Variants in BCR observed in about 807,000 individuals in gnomAD.
The protein encoded by BCR is BCR activator of RhoGEF and GTPase.
In BCR, 58 loss-of-function variants were observed where a neutral mutation model predicts 138.6. That is an observed-to-expected ratio of 0.42 (90% CI 0.34 to 0.52). The LOEUF (loss-of-function observed/expected upper bound fraction) is 0.52, where lower values mean the gene tolerates loss of function less well. Among genes scored for constraint, BCR ranks in the 20% least tolerant of loss-of-function variants. The pLI, the probability that BCR is intolerant of heterozygous loss-of-function variation, is 0.06. For missense variants in BCR, 1,599 were observed against 1,727.2 expected (o/e 0.93, Z 1.32); for synonymous variants, 786 against 730.1 (o/e 1.08, Z -1.23).
chr22:23,249,420 A>G (rs2146263350), intron 1 of BCR, among the ~76,000 whole-genome samples: 1 of 149,926 alleles, frequency 6.7e-6, no homozygotes, highest in South Asian at 2.1e-4. Flanking sequence ...CGACAGAGCA[A>G]GACTCTGTCT....
intron 1 of BCR, among the ~76,000 whole-genome samples, chr22:23,205,283 T>A (rs572063477): frequency 1.3e-5 from 2 of 152,330 alleles, no homozygotes; most frequent in South Asian, 4.1e-4. Flanking sequence ...TTGTCACTCC[T>A]GTGGGGGTAC....
intron 11 of BCR, 88 bp downstream of exon 11, chr22:23,287,366 G>A (rs1013778582): frequency 1.2e-5 from 18 of 1,441,362 alleles, no homozygotes; most frequent in Non-Finnish European, 1.5e-5. Context: ...TCACTTGGAT[G>A]CGCCCCACTC....
At position 23,290,375 on chromosome 22, in the gene BCR, T is replaced by C. The variant is rs1328058055; in HGVS notation, c.2744T>C (p.Val915Ala). ...ESPGLYGFLNVIVHSATGFKQ... is the reference protein window; with the variant it reads ...ESPGLYGFLNAIVHSATGFKQ... ...CCGGGGCTCTATGGGTTTCTGAATG[T>C]CATCGTCCACTCAGCCACTGGATTT... Residue 915 changes from valine to alanine, a missense_variant, in exon 14 of 23, where the codon GTC becomes GCC. Around this residue, in one of 4 missense-constraint regions of BCR, gnomAD observed 590 missense variants for 762.4 expected, o/e 0.77. Coordinates refer to ENST00000305877, the MANE Select transcript of BCR (RefSeq NM_004327.4). The C allele has an allele frequency of 1.2e-6, 2 of 1,614,138 alleles. No homozygotes were observed. Among genetic ancestry groups the C allele is most frequent in the South Asian group, 2.2e-5 (2 of 91,082 alleles).
intron 20 of BCR, among the ~76,000 whole-genome samples, chr22:23,313,451 T>A (rs2074030391): frequency 6.6e-6 from 1 of 152,250 alleles, no homozygotes; most frequent in African/African-American, 2.4e-5. Context: ...ACCTGTGGCC[T>A]CTGCATCACC....
At chr22:23,282,446 C>T (rs1350494194) in intron 8 of BCR, among the ~76,000 whole-genome samples, 1 of 152,346 alleles carries the variant, frequency 6.6e-6, no homozygotes, top group Admixed American at 6.5e-5. Flanking sequence ...TCGCAAGAGC[C>T]GGCTGCCTGT....
chr22:23,234,404 A>T (rs2072999261), intron 1 of BCR, among the ~76,000 whole-genome samples: 1 of 152,126 alleles, frequency 6.6e-6, no homozygotes, highest in African/African-American at 2.4e-5. Context: ...GTTCTGGGTG[A>T]TCAGTGGCCT....
chr22:23,227,595 G>A (rs573569274), intron 1 of BCR, among the ~76,000 whole-genome samples: 1 of 152,352 alleles, frequency 6.6e-6, no homozygotes, highest in South Asian at 2.1e-4. Flanking sequence ...GCTTTCAGCT[G>A]CATGGTGACA....
intron 1 of BCR, among the ~76,000 whole-genome samples, chr22:23,225,843 G>A (rs754556818): frequency 2.0e-5 from 3 of 152,274 alleles, no homozygotes; most frequent in South Asian, 4.1e-4. Flanking sequence ...TATTCATTTC[G>A]CACAGTCAGT....
intron 10 of BCR, 106 bp downstream of exon 10, chr22:23,285,307 C>A: frequency 1.6e-6 from 2 of 1,265,042 alleles, no homozygotes; most frequent in Non-Finnish European, 2.2e-6. Flanking sequence ...GGCCCCAGGT[C>A]TGGTCTCTGG....
chr22:23,313,682 T>C (rs1302796539), intron 20 of BCR, among the ~76,000 whole-genome samples: 1 of 152,158 alleles, frequency 6.6e-6, no homozygotes, highest in Non-Finnish European at 1.5e-5. Flanking sequence ...TGGCAGGAGT[T>C]GTCCAAGGGC....
At position 23,234,127 on chromosome 22, in the gene BCR, C is replaced by T. The variant is rs144868149; in HGVS notation, c.1280-19672C>T. Reference sequence around the variant, plus strand: ...AGAGACCATGTGCAGCTGGACTCTCCGGAGACAGCAAACAGAAATTCTATT... The same window carrying T: ...AGAGACCATGTGCAGCTGGACTCTCTGGAGACAGCAAACAGAAATTCTATT... On this transcript the variant is annotated intron_variant, in intron 1 of 22. Coordinates refer to ENST00000305877, the MANE Select transcript of BCR (RefSeq NM_004327.4). Among the ~76,000 whole-genome samples, 22 of 152,160 alleles carry T rather than the reference C, an allele frequency of 1.4e-4. 1 individual carries two copies. Among genetic ancestry groups the T allele is most frequent in the South Asian group, 2.1e-4 (1 of 4,826 alleles).
rs201963169 is a variant in BCR at position 23,268,458 on chromosome 22, C to A, written c.1803C>A (p.Ala601=). 79 of 1,613,948 alleles carry A rather than the reference C, an allele frequency of 4.9e-5. 1 individual carries two copies. In the East Asian group the frequency reaches 1.5e-3, roughly 31 times the overall value. Reference sequence around the variant, plus strand: ...CCTTCGTGGACAACTACGGAGTTGCCATGGAAATGGCTGAGAAGTGCTGTC... The same window carrying A: ...CCTTCGTGGACAACTACGGAGTTGCAATGGAAATGGCTGAGAAGTGCTGTC... ...YRAFVDNYGV[A]MEMAEKCCQA... is the part of the protein sequence containing the mutation. The change falls in exon 5 of 23, where the codon GCC becomes GCA. Residue 601 remains alanine, a synonymous_variant. Transcript: ENST00000305877.
At chr22:23,293,654 G>A (rs2073814225) in intron 15 of BCR, among the ~76,000 whole-genome samples, 1 of 152,106 alleles carries the variant, frequency 6.6e-6, no homozygotes, top group Non-Finnish European at 1.5e-5. Flanking sequence ...GTGCCAGGCA[G>A]TGTGCAAAAG....
At chr22:23,249,963 C>T (rs976745598) in intron 1 of BCR, among the ~76,000 whole-genome samples, 9 of 152,188 alleles carry the variant, frequency 5.9e-5, no homozygotes, top group African/African-American at 1.9e-4. Context: ...TCCTAATTCC[C>T]CAGCAGAGTC....
chr22:23,283,828 G>C (rs1362365888), intron 8 of BCR, 149 bp from the exon 9 acceptor site: 8 of 1,017,316 alleles, frequency 7.9e-6, no homozygotes, highest in Middle Eastern at 3.2e-4. Flanking sequence ...TCTGGAAAGT[G>C]GGTGTGAGGG....
At chr22:23,238,093 G>A (rs1288794025) in intron 1 of BCR, among the ~76,000 whole-genome samples, 2 of 152,062 alleles carry the variant, frequency 1.3e-5, no homozygotes, top group Non-Finnish European at 1.5e-5. Flanking sequence ...TTTCATTGGT[G>A]GGAACATTGA....
At chr22:23,228,697 A>G (rs1388890431) in intron 1 of BCR, among the ~76,000 whole-genome samples, 2 of 152,096 alleles carry the variant, frequency 1.3e-5, no homozygotes, top group Admixed American at 6.5e-5. Flanking sequence ...TCTGGCCTCT[A>G]TAGTTTCTGA....
chr22:23,239,010 G>C (rs1187589066), intron 1 of BCR, among the ~76,000 whole-genome samples: 1 of 152,108 alleles, frequency 6.6e-6, no homozygotes, highest in Non-Finnish European at 1.5e-5. Context: ...TCATGTGTGG[G>C]CCCAGCAGGG....
chr22:23,257,811 C>G (rs1353462102), intron 2 of BCR, among the ~76,000 whole-genome samples: 1 of 152,200 alleles, frequency 6.6e-6, no homozygotes, highest in Non-Finnish European at 1.5e-5. Context: ...GTTCCTTGGA[C>G]CCAACTGTCT....
Sources: gnomAD v4.1 joint callset for allele counts (sites outside exome capture counted in the v4.1 genomes callset) on GRCh38, gnomAD v4.1.1 for gene constraint, gnomAD v4.1.1 regional missense constraint, MANE v1.5 for transcripts, NCBI Gene and HGNC (gene_info 2026-07-23, HGNC 2026-07-21) for gene names.